ARHGEF38: variants seen among roughly 807,000 people sequenced by gnomAD.
ARHGEF38 encodes the protein Rho guanine nucleotide exchange factor 38, also known as Rho guanine nucleotide exchange factor (GEF) 38.
In ARHGEF38, 79 loss-of-function variants were observed where a neutral mutation model predicts 79.9. That is an observed-to-expected ratio of 0.99 (90% confidence interval 0.82 to 1.19). The LOEUF is 1.19. ARHGEF38 is among the 50% of genes most tolerant of loss of function. ARHGEF38 has a pLI of 0.00. For synonymous variants in ARHGEF38, 366 were observed against 328.3 expected, an observed-to-expected ratio of 1.11 and a Z score of -1.24; for missense variants, 962 against 907.2, an observed-to-expected ratio of 1.06 and a Z score of -0.78.
chr4:105,586,612 G>A (rs1198212650), intron 1 of ARHGEF38, among the ~76,000 whole-genome samples: 3 of 152,176 alleles, frequency 2.0e-5, no homozygotes, highest in Non-Finnish European at 4.4e-5. Flanking sequence ...CCAAATGCAT[G>A]TTTTAGGGAT....
At chr4:105,606,887 G>T (rs1728065563) in intron 2 of ARHGEF38, among the ~76,000 whole-genome samples, 1 of 151,990 alleles carries the variant, frequency 6.6e-6, no homozygotes, top group African/African-American at 2.4e-5. Flanking sequence ...TAGAATTACA[G>T]GTGACTGTAT....
chr4:105,663,995 A>G (rs891297611), intron 10 of ARHGEF38, among the ~76,000 whole-genome samples: 1 of 151,748 alleles, frequency 6.6e-6, no homozygotes, highest in Non-Finnish European at 1.5e-5. Flanking sequence ...CAAACAAAAC[A>G]AAACAAAAAA....
chr4:105,607,097 G>A (rs1392099745), intron 2 of ARHGEF38, among the ~76,000 whole-genome samples: 1 of 152,074 alleles, frequency 6.6e-6, no homozygotes, highest in Non-Finnish European at 1.5e-5. Flanking sequence ...CTGTGATGGG[G>A]TTCAGGCCGA....
At chr4:105,588,110 C>T (rs975004056) in intron 1 of ARHGEF38, among the ~76,000 whole-genome samples, 2 of 152,206 alleles carry the variant, frequency 1.3e-5, no homozygotes, top group Non-Finnish European at 2.9e-5. Context: ...TATTGTTTCT[C>T]CAGTTGTCTT....
At position 105,645,321 on chromosome 4, in the gene ARHGEF38, G is replaced by A. The variant is rs17036063; in HGVS notation, c.808G>A (p.Asp270Asn). 3.9e-6 allele frequency: 6 copies of A among 1,535,832 alleles called. No homozygotes were observed. The highest frequency in any genetic ancestry group is 3.9e-5 in the Admixed American group (2 of 50,884). Reference protein sequence around the residue: ...PSHPDYRALDDAFAAVKDINV... With the variant: ...PSHPDYRALDNAFAAVKDINV... ...TCACCCAGATTACAGAGCACTGGAC[G>A]ATGCCTTTGCTGCTGTGAAGGACAT... Residue 270 changes from aspartate (D) to asparagine (N), a missense_variant, in exon 6 of 14, where the codon GAT becomes AAT. Asp to Asn is a conservative substitution (Grantham distance 23). Coordinates refer to ENST00000420470, the MANE Select transcript of ARHGEF38 (RefSeq NM_001242729.2).
chr4:105,614,567 A>G (rs1321380049), intron 3 of ARHGEF38, among the ~76,000 whole-genome samples: 1 of 152,206 alleles, frequency 6.6e-6, no homozygotes, highest in Non-Finnish European at 1.5e-5. Context: ...CAAAGACATG[A>G]AATATAGTGA....
chr4:105,625,892 G>A (rs1728926360), intron 3 of ARHGEF38, among the ~76,000 whole-genome samples: 1 of 152,078 alleles, frequency 6.6e-6, no homozygotes, highest in Non-Finnish European at 1.5e-5. Flanking sequence ...TCCTCATGCT[G>A]ATCCTTCTTT....
intron 13 of ARHGEF38, among the ~76,000 whole-genome samples, chr4:105,672,121 G>T (rs1730976801): frequency 6.6e-6 from 1 of 152,114 alleles, no homozygotes; most frequent in Admixed American, 6.6e-5. Flanking sequence ...TTTTAACCTG[G>T]ACGCGAAGAC....
chr4:105,681,305 A>G (rs909563237), downstream of ARHGEF38, among the ~76,000 whole-genome samples: 30 of 152,140 alleles, frequency 2.0e-4, no homozygotes, highest in African/African-American at 7.2e-4. Context: ...AAAAAGACCA[A>G]GCTTAATTTT....
At chr4:105,555,486 T>C (rs1725211069) in intron 1 of ARHGEF38, among the ~76,000 whole-genome samples, 1 of 152,136 alleles carries the variant, frequency 6.6e-6, no homozygotes. Context: ...AGATGAGTCC[T>C]AAATCACCTT....
chr4:105,644,455 C>G (rs1340099580), intron 5 of ARHGEF38, among the ~76,000 whole-genome samples: 1 of 152,152 alleles, frequency 6.6e-6, no homozygotes, highest in Admixed American at 6.5e-5. Context: ...TAGCTTCTTC[C>G]CCTCCTGTGA....
chr4:105,661,035 T>C (rs1323702085), intron 10 of ARHGEF38, among the ~76,000 whole-genome samples: 1 of 152,244 alleles, frequency 6.6e-6, no homozygotes, highest in Non-Finnish European at 1.5e-5. Context: ...TTTCTGCCTG[T>C]ACAGATTTTC....
chr4:105,628,239 C>A (rs1729034367), intron 3 of ARHGEF38, among the ~76,000 whole-genome samples: 1 of 151,960 alleles, frequency 6.6e-6, no homozygotes, highest in African/African-American at 2.4e-5. Flanking sequence ...CTTTTTTGGT[C>A]TCTGCTTTTA....
At chr4:105,641,221 C>G (rs1283865540) in intron 5 of ARHGEF38, among the ~76,000 whole-genome samples, 1 of 151,998 alleles carries the variant, frequency 6.6e-6, no homozygotes, top group African/African-American at 2.4e-5. Flanking sequence ...AAGAATTAGA[C>G]ACTTTCTTAA....
chr4:105,660,742 AG>A (rs1305151446), intron 10 of ARHGEF38, among the ~76,000 whole-genome samples: 1 of 152,152 alleles, frequency 6.6e-6, no homozygotes, highest in Non-Finnish European at 1.5e-5. Context: ...GCCCAGCCTG[AG>A]CTTCCTAATT....
chr4:105,580,647 T>A (rs1307720987), intron 1 of ARHGEF38, among the ~76,000 whole-genome samples: 2 of 152,218 alleles, frequency 1.3e-5, no homozygotes, highest in South Asian at 4.1e-4. Flanking sequence ...ATTTTGTGGT[T>A]GATTTCAGAG....
chr4:105,659,391 A>G, intron 10 of ARHGEF38, 26 bp downstream of exon 10: 1 of 1,518,894 alleles, frequency 6.6e-7, no homozygotes, highest in Non-Finnish European at 8.8e-7. Context: ...ACACCTAGCT[A>G]GCTACCTTGG....
At position 105,659,068 on chromosome 4, in the gene ARHGEF38, G is replaced by A; in HGVS notation, c.1248G>A (p.Gln416=). The change falls in exon 10 of 14, where the codon CAG becomes CAA. Residue 416 remains glutamine (Q), a synonymous_variant. Transcript: ENST00000420470. The part of the protein sequence containing the change: ...NSCHDFASHL[Q]RLILTPLSAL... ...TCTTTTGGCAGGCATCTCACTTACAGAGACTCATCCTGACCCCCTTGTCAG... is the reference window on the plus strand; with the variant it reads ...TCTTTTGGCAGGCATCTCACTTACAAAGACTCATCCTGACCCCCTTGTCAG... The A allele has an allele frequency of 6.5e-7, 1 of 1,534,876 alleles. No individual in the cohort carries two copies. Among genetic ancestry groups the A allele is most frequent in the South Asian group, 1.2e-5 (1 of 83,906 alleles).
At chr4:105,616,575 C>T (rs1195900331) in intron 3 of ARHGEF38, among the ~76,000 whole-genome samples, 2 of 152,134 alleles carry the variant, frequency 1.3e-5, no homozygotes, top group Admixed American at 6.5e-5. Flanking sequence ...TCAATCACCT[C>T]CCACCAGGCC....
Sources: gnomAD v4.1 joint callset for allele counts (sites outside exome capture counted in the v4.1 genomes callset) on GRCh38, gnomAD v4.1.1 for gene constraint, MANE v1.5 for transcripts, NCBI Gene and HGNC (gene_info 2026-07-23, HGNC 2026-07-21) for gene names.